Variants in TMEM214 observed in about 807,000 individuals in gnomAD.
TMEM214 encodes the protein transmembrane protein 214.
TMEM214 carries 71 observed loss-of-function variants against 89.8 expected under a neutral mutation model. The observed-to-expected ratio is 0.79, with a 90% confidence interval of 0.65 to 0.96. The LOEUF (loss-of-function observed/expected upper bound fraction) is 0.96. Among genes scored for constraint, TMEM214 ranks in the 40% least tolerant of loss-of-function variants. TMEM214 has a pLI of 0.00. For missense variants in TMEM214, 754 were observed against 843.4 expected (o/e 0.89, Z 1.31); for synonymous variants, 332 against 349.5 (o/e 0.95, Z 0.56).
chr2:27,034,824 TC>T (rs1345243827), intron 2 of TMEM214, among the ~76,000 whole-genome samples: 1 of 151,910 alleles, frequency 6.6e-6, no homozygotes, highest in Non-Finnish European at 1.5e-5. Flanking sequence ...CCTCAGGTGA[TC>T]CGCCCACCTT....
intron 3 of TMEM214, 128 bp from the exon 4 acceptor site, chr2:27,035,466 A>G: frequency 6.9e-7 from 1 of 1,453,138 alleles, no homozygotes; most frequent in Non-Finnish European, 9.3e-7. Flanking sequence ...GGGCCTCCTC[A>G]GAGGAAGGAT....
At chr2:27,035,936 A>G in intron 4 of TMEM214, 34 bp from the exon 5 acceptor site, 1 of 1,610,524 alleles carries the variant, frequency 6.2e-7, no homozygotes, top group Non-Finnish European at 8.5e-7. Context: ...ATGCCAAATA[A>G]TGTGAGTAGG....
chr2:27,039,409 C>T (rs1163484119), intron 13 of TMEM214: 1 of 590,942 alleles, frequency 1.7e-6, no homozygotes, highest in Non-Finnish European at 3.0e-6. Flanking sequence ...GTGTTACCTC[C>T]TTTTAACTCC....
At chr2:27,037,980 C>T in intron 9 of TMEM214, 166 bp from the exon 10 acceptor site, 1 of 1,561,608 alleles carries the variant, frequency 6.4e-7, no homozygotes, top group Non-Finnish European at 8.7e-7. Context: ...TCCTGCTTTA[C>T]AGCCTCTCAG....
intron 1 of TMEM214, among the ~76,000 whole-genome samples, chr2:27,033,703 G>A (rs899072173): frequency 3.3e-5 from 5 of 152,132 alleles, no homozygotes; most frequent in African/African-American, 9.7e-5. Context: ...TTGTCATGTC[G>A]GAACCAAGAG....
chr2:27,040,468 G>A lies in TMEM214; in HGVS notation c.1915G>A (p.Ala639Thr), dbSNP rs1341770325. ...CCTCTTGCTTGAGGCCCTGGCCTGG[G>A]CCCAGGAGCACTGCCATGAGGCATG... ...WHLLLEALAWAQEHCHEACRG... is the reference protein window; with the variant it reads ...WHLLLEALAWTQEHCHEACRG... The change falls in exon 16 of 17, where the codon GCC becomes ACC. Residue 639 changes from alanine to threonine, a missense_variant. Ala to Thr is a moderately conservative substitution (Grantham distance 58, BLOSUM62 0). Coordinates refer to ENST00000238788, the MANE Select transcript of TMEM214 (RefSeq NM_017727.5). 6.2e-7 allele frequency: 1 copy of A among 1,613,890 alleles called. No homozygotes were observed. Among genetic ancestry groups the A allele is most frequent in the African/African-American group, 1.3e-5 (1 of 74,942 alleles).
At position 27,038,086 on chromosome 2, in the gene TMEM214, A is replaced by G. The variant is rs1667648810; in HGVS notation, c.1153-60A>G. 6.2e-7 allele frequency: 1 copy of G among 1,611,408 alleles called. No homozygotes were observed. The highest frequency in any genetic ancestry group is 8.5e-7 in the Non-Finnish European group (1 of 1,179,392). On this transcript the variant is annotated intron_variant, in intron 9 of 16. Coordinates refer to ENST00000238788, the MANE Select transcript of TMEM214 (RefSeq NM_017727.5). This position sits in a 1 kb window ranked among gnomAD's most constrained non-coding sequence, Gnocchi z 4.4. ...TACGGGAAGGGGATCACCTCTTAGC[A>G]CTCCCCGCCTCTGCCAGCCCCATGC... is the stretch of plus-strand genomic sequence containing the variant.
Position 27,034,124 on chromosome 2 carries a change from G to A in TMEM214, c.209G>A (p.Arg70Gln), listed in dbSNP as rs201955559. The change falls in exon 2 of 17, where the codon CGG (arginine) becomes CAG (glutamine). Residue 70 changes from arginine to glutamine, a missense_variant. Physicochemically the swap from Arg to Gln is conservative, Grantham distance 43. Coordinates refer to ENST00000238788, the MANE Select transcript of TMEM214 (RefSeq NM_017727.5). ...YERGFENIMK[R>Q]QNKEQVPPPA... The stretch of plus-strand genomic sequence containing the variant: ...CGGGGCTTTGAGAATATCATGAAGC[G>A]GCAGAATAAGGAGCAGGTCCCACCC... The A allele has an allele frequency of 9.6e-5, 155 of 1,614,090 alleles. No individual in the cohort carries two copies. The African/African-American group carries it at 1.6e-3, about 17-fold the overall frequency.
chr2:27,035,475 A>T, intron 3 of TMEM214, 119 bp from the exon 4 acceptor site: 1 of 1,470,078 alleles, frequency 6.8e-7, no homozygotes, highest in Non-Finnish European at 9.2e-7. Flanking sequence ...CAGAGGAAGG[A>T]TCCCAGCCTC....
In TMEM214 at chr2:27,040,334, C is replaced by T; in HGVS notation, c.1792-11C>T. ...TGGATACTCTGACCCCATCCATTCTCCATGGTCCAGCTACAGATCCAGCTC... is the reference window on the plus strand; with the variant it reads ...TGGATACTCTGACCCCATCCATTCTTCATGGTCCAGCTACAGATCCAGCTC... On this transcript the variant is annotated splice_polypyrimidine_tract_variant and intron_variant, in intron 15 of 16. Transcript: ENST00000238788. 6.2e-7 allele frequency: 1 copy of T among 1,614,022 alleles called. No individual in the cohort carries two copies. The highest frequency in any genetic ancestry group is 8.5e-7 in the Non-Finnish European group (1 of 1,179,978).
intron 8 of TMEM214, among the ~76,000 whole-genome samples, 164 bp downstream of exon 8, chr2:27,037,342 C>G (rs376200678): frequency 6.6e-6 from 1 of 151,784 alleles, no homozygotes; most frequent in Non-Finnish European, 1.5e-5. Flanking sequence ...ATTATATGGA[C>G]CCTTGAGTGT....
In TMEM214 at chr2:27,033,104, G is replaced by A. The variant is rs1386833311; in HGVS notation, c.89G>A (p.Gly30Glu). The A allele has an allele frequency of 3.2e-6, 4 of 1,248,296 alleles. No individual in the cohort carries two copies. Among genetic ancestry groups the A allele is most frequent in the South Asian group, 4.1e-5 (1 of 24,418 alleles). The allele number at this position is 1,248,296 out of a possible 1,614,324, so 77.3% of individuals were successfully genotyped here. ...PGVGAGAGGR[G>E]GGRNRRALGE... ...GTCGGCGCCGGCGCCGGCGGCCGAG[G>A]AGGCGGCAGGAACCGCAGGGCGCTC... The change falls in exon 1 of 17, where the codon GGA becomes GAA. Residue 30 changes from glycine (G) to glutamate (E), a missense_variant. Physicochemically the swap from Gly to Glu is moderately conservative, Grantham distance 98 (BLOSUM62 -2). Coordinates refer to ENST00000238788, the MANE Select transcript of TMEM214 (RefSeq NM_017727.5).
Position 27,038,975 on chromosome 2 carries a change from T to C in TMEM214, c.1408-72T>C, listed in dbSNP as rs1042749199. On this transcript the variant is annotated intron_variant, in intron 12 of 16. Transcript: ENST00000238788. The surrounding 1 kb of genome is among the most constrained non-coding windows in gnomAD (Gnocchi z 4.4). Reference sequence around the variant, plus strand: ...TGACGCTCTTTCGGGAAGGCCTGGCTTGAGGTCTGCCCTCAGAGGCAAAGA... The same window carrying C: ...TGACGCTCTTTCGGGAAGGCCTGGCCTGAGGTCTGCCCTCAGAGGCAAAGA... 8 of 1,548,960 alleles carry C rather than the reference T, an allele frequency of 5.2e-6. No homozygotes were observed. In the African/African-American group the frequency reaches 9.5e-5, roughly 18 times the overall value.
rs1281242509 is a variant in TMEM214, at chr2:27,037,649, C to G, written c.1099C>G (p.Pro367Ala). 6.2e-7 allele frequency: 1 copy of G among 1,614,066 alleles called. No homozygotes were observed. The highest frequency in any genetic ancestry group is 8.5e-7 in the Non-Finnish European group (1 of 1,180,044). ...KPDSTLHTYFPSFLSRATPSC... is the reference protein window; with the variant it reads ...KPDSTLHTYFASFLSRATPSC... ...GGATTCCACCCTGCATACCTACTTC[C>G]CTTCTTTCCTGTCCAGAGCCACCCC... is the stretch of plus-strand genomic sequence containing the variant. Residue 367 changes from proline to alanine, a missense_variant, in exon 9 of 17, where the codon CCT becomes GCT. Physicochemically the swap from Pro to Ala is conservative, Grantham distance 27 (BLOSUM62 -1). Transcript: ENST00000238788.
intron 9 of TMEM214, 185 bp from the exon 10 acceptor site, chr2:27,037,961 G>A (rs1327175440): frequency 6.4e-7 from 1 of 1,552,214 alleles, no homozygotes; most frequent in Non-Finnish European, 8.7e-7. Flanking sequence ...TAGCTCAGGA[G>A]CCCCAGCCTC....
rs1667839994 is a variant in TMEM214 at position 27,041,627 on chromosome 2, C to T, written c.*790C>T. The T allele has an allele frequency of 6.5e-6, 1 of 153,824 alleles. No individual in the cohort carries two copies. Among genetic ancestry groups the T allele is most frequent in the Non-Finnish European group, 1.5e-5 (1 of 68,076 alleles). 9.5% of individuals were successfully genotyped at this position (153,824 alleles called of 1,614,324 possible). A position where few individuals can be genotyped will look rare whatever the true frequency, so the allele number is the denominator to read the frequency against. ...CAGGGAACCCTCCATCAACCTGAGA[C>T]AGGACTCAGTATATGGTTCTTGGGT... On this transcript the variant is annotated 3_prime_UTR_variant, in exon 17 of 17. Coordinates refer to ENST00000238788, the MANE Select transcript of TMEM214 (RefSeq NM_017727.5).
rs748382843 is a variant in TMEM214 at position 27,039,059 on chromosome 2, C to A, written c.1420C>A (p.Gln474Lys). ...CDMACKGLLQ[Q>K]VQGPRLPWTR... ...CCCCTCCCACCAGGGCCTGTTGCAG[C>A]AGGTTCAGGGTCCTCGGCTGCCCTG... The change falls in exon 13 of 17, where the codon CAG becomes AAG. Residue 474 changes from glutamine (Q) to lysine (K), a missense_variant. Transcript: ENST00000238788. The A allele has an allele frequency of 6.2e-7, 1 of 1,613,626 alleles. No homozygotes were observed. Among genetic ancestry groups the A allele is most frequent in the South Asian group, 1.1e-5 (1 of 91,088 alleles).
chr2:27,039,344 G>C, intron 13 of TMEM214, 180 bp downstream of exon 13: 1 of 611,014 alleles, frequency 1.6e-6, no homozygotes, highest in Non-Finnish European at 2.9e-6. Flanking sequence ...TTTCAGATTG[G>C]ACTAGGACTT....
rs781112864 is a variant in TMEM214, at chr2:27,035,124, G to A, written c.352-11G>A. 6.2e-6 allele frequency: 10 copies of A among 1,613,574 alleles called. No individual in the cohort carries two copies. Among genetic ancestry groups the A allele is most frequent in the South Asian group, 3.3e-5 (3 of 91,064 alleles). ...CGCCATGGTGGGGGGTTGGGGGATT[G>A]TCCCTGGCAGCTGGATGTGGCAGAC... On this transcript the variant is annotated splice_polypyrimidine_tract_variant and intron_variant, in intron 2 of 16. Transcript: ENST00000238788.
Sources: allele counts gnomAD v4.1 joint callset (sites outside exome capture counted in the v4.1 genomes callset), GRCh38; gene constraint gnomAD v4.1.1; non-coding constraint Gnocchi (gnomAD v3.1); transcripts MANE v1.5; gene names NCBI Gene and HGNC (gene_info 2026-07-23, HGNC 2026-07-21).